Variants in SEC22A observed in about 807,000 individuals in gnomAD.
The protein encoded by SEC22A is vesicle-trafficking protein SEC22a.
In SEC22A, 22 loss-of-function variants were observed where a neutral mutation model predicts 35.3. The ratio of observed to expected loss-of-function variants is 0.62; its 90% CI spans 0.45 to 0.89. The LOEUF is 0.89. SEC22A is among the 40% of genes least tolerant of loss of function. SEC22A has a pLI of 0.00. For missense variants in SEC22A, 354 were observed against 362.5 expected (o/e 0.98, Z 0.19); for synonymous variants, 119 against 129.5 (o/e 0.92, Z 0.55).
intron 5 of SEC22A, among the ~76,000 whole-genome samples, chr3:123,252,827 A>G (rs1174943162): frequency 2.0e-5 from 3 of 152,316 alleles, no homozygotes; most frequent in African/African-American, 4.8e-5. Context: ...CTTGGTATCT[A>G]AGTTTAAACT....
intron 1 of SEC22A, among the ~76,000 whole-genome samples, chr3:123,203,748 C>A (rs1936799385): frequency 1.3e-5 from 2 of 152,152 alleles, no homozygotes; most frequent in South Asian, 4.1e-4. Flanking sequence ...TATATACTAG[C>A]AGTGTGACAT....
At chr3:123,246,148 T>C in intron 5 of SEC22A, 134 bp downstream of exon 5, 3 of 560,370 alleles carry the variant, frequency 5.4e-6, no homozygotes, top group Non-Finnish European at 9.5e-6. Flanking sequence ...TATATCTGCT[T>C]TAGCCTCCTT....
In SEC22A at chr3:123,248,955, T is replaced by A. The variant is rs137965054; in HGVS notation, c.657+2941T>A. Among the ~76,000 whole-genome samples, 5 of 152,130 alleles carry A rather than the reference T, an allele frequency of 3.3e-5. No individual in the cohort carries two copies. The East Asian group carries it at 9.7e-4, about 29-fold the overall frequency. On this transcript the variant is annotated intron_variant, in intron 5 of 6. Transcript: ENST00000492595. ...TAACCCAGATGTCACAGGTAAAGAG[T>A]TCAGTCCCACAAGAATGCCCCCACC...
In SEC22A at chr3:123,272,291, TAGA is replaced by T. The variant is rs971459765; in HGVS notation, c.*576_*578del. 6.5e-6 allele frequency: 1 copy of T among 152,686 alleles called. No individual in the cohort carries two copies. Among genetic ancestry groups the T allele is most frequent in the African/African-American group, 2.4e-5 (1 of 41,588 alleles). 9.5% of individuals were successfully genotyped at this position (152,686 alleles called of 1,614,324 possible). ...TCTTAACTCTGGAAATCACCTGATG[TAGA>T]AGAAGACTGTGATGAGCTCGTCTGT... is the stretch of plus-strand genomic sequence containing the variant. On this transcript the variant is annotated 3_prime_UTR_variant, in exon 7 of 7. Transcript: ENST00000492595.
chr3:123,213,765 C>T (rs1159636086), intron 2 of SEC22A, among the ~76,000 whole-genome samples: 2 of 152,032 alleles, frequency 1.3e-5, no homozygotes, highest in South Asian at 4.1e-4. Context: ...TTTACAGAAT[C>T]TCAAAATCAC....
intron 6 of SEC22A, among the ~76,000 whole-genome samples, chr3:123,266,174 G>T (rs1938021125): frequency 6.6e-6 from 1 of 151,916 alleles, no homozygotes; most frequent in Non-Finnish European, 1.5e-5. Context: ...ATGGTAATTT[G>T]CATGTTCTCT....
chr3:123,215,346 A>T lies in SEC22A; in HGVS notation c.182+5947A>T, dbSNP rs191207569. On this transcript the variant is annotated intron_variant, in intron 2 of 6. Transcript: ENST00000492595. ...GCACTACACAGACAGCTCCAGGCTT[A>T]CTTCAGTCCAACTGAGCAACTCCTC... Among the ~76,000 whole-genome samples, 6 of 152,330 alleles carry T rather than the reference A, an allele frequency of 3.9e-5. No homozygotes were observed. The East Asian group carries it at 9.6e-4, about 24-fold the overall frequency.
chr3:123,234,238 A>G (rs1937377185), intron 4 of SEC22A, among the ~76,000 whole-genome samples: 1 of 152,232 alleles, frequency 6.6e-6, no homozygotes, highest in Non-Finnish European at 1.5e-5. Context: ...CTTTATAAAA[A>G]TCCCGGCTTT....
At chr3:123,260,581 C>A (rs1389248786) in intron 6 of SEC22A, among the ~76,000 whole-genome samples, 1 of 152,118 alleles carries the variant, frequency 6.6e-6, no homozygotes, top group Admixed American at 6.5e-5. Flanking sequence ...TACCAGTTAC[C>A]CAAATGCAAG....
intron 6 of SEC22A, among the ~76,000 whole-genome samples, chr3:123,262,761 C>G (rs184085074): frequency 3.9e-5 from 6 of 152,266 alleles, no homozygotes; most frequent in Admixed American, 3.3e-4. Flanking sequence ...ATGAGTATAT[C>G]AGGATGTGAC....
In SEC22A at chr3:123,271,733, C is replaced by T; in HGVS notation, c.*11C>T. ...GATTATGATGTCTGACACCATCCTT[C>T]AGATCTATTGCCTTGGCTTCAGGGG... is the stretch of plus-strand genomic sequence containing the variant. On this transcript the variant is annotated 3_prime_UTR_variant, in exon 7 of 7. Coordinates refer to ENST00000492595, the MANE Select transcript of SEC22A (RefSeq NM_012430.5). 1 of 1,611,262 alleles carries T rather than the reference C, an allele frequency of 6.2e-7. No individual in the cohort carries two copies. The highest frequency in any genetic ancestry group is 8.5e-7 in the Non-Finnish European group (1 of 1,177,508).
intron 4 of SEC22A, among the ~76,000 whole-genome samples, chr3:123,238,418 G>A (rs914295014): frequency 1.3e-5 from 2 of 152,026 alleles, no homozygotes; most frequent in African/African-American, 4.8e-5. Context: ...GGCTGGCCTC[G>A]AACTCCTGAC....
chr3:123,214,027 T>TA (rs1413948717), intron 2 of SEC22A, among the ~76,000 whole-genome samples: 3 of 122,346 alleles, frequency 2.5e-5, no homozygotes, highest in South Asian at 2.7e-4. Flanking sequence ...CTACTAAAAA[T>TA]AAAAAAAATA....
At chr3:123,246,430 G>C (rs1195563511) in intron 5 of SEC22A, among the ~76,000 whole-genome samples, 2 of 152,202 alleles carry the variant, frequency 1.3e-5, no homozygotes, top group African/African-American at 4.8e-5. Flanking sequence ...ATCAGACAGA[G>C]AGCAGTGGAA....
intron 4 of SEC22A, among the ~76,000 whole-genome samples, chr3:123,240,117 C>G (rs184313465): frequency 6.6e-6 from 1 of 152,196 alleles, no homozygotes; most frequent in East Asian, 1.9e-4. Flanking sequence ...GAAAGGTGGA[C>G]TCAGACAAGT....
At chr3:123,211,074 T>C (rs1298572530) in intron 2 of SEC22A, among the ~76,000 whole-genome samples, 1 of 152,096 alleles carries the variant, frequency 6.6e-6, no homozygotes, top group African/African-American at 2.4e-5. Flanking sequence ...GTGCTGCAGG[T>C]TCAAGGGAAG....
intron 5 of SEC22A, among the ~76,000 whole-genome samples, chr3:123,251,945 T>C (rs1937619056): frequency 6.6e-6 from 1 of 152,148 alleles, no homozygotes. Flanking sequence ...GAATGGATGA[T>C]AAGTGAACAA....
chr3:123,210,274 G>A (rs72958539), intron 2 of SEC22A, among the ~76,000 whole-genome samples: 2,536 of 152,262 alleles, frequency 0.017, 60 homozygotes, highest in African/African-American at 0.057. Context: ...TGATTGTAAC[G>A]AGCTAGGGTA....
intron 6 of SEC22A, among the ~76,000 whole-genome samples, chr3:123,267,519 CAG>C (rs1938053887): frequency 6.6e-6 from 1 of 152,094 alleles, no homozygotes. Flanking sequence ...ATAATTGGCT[CAG>C]ATATTTCCTC....
Sources: allele counts gnomAD v4.1 joint callset (sites outside exome capture counted in the v4.1 genomes callset), GRCh38; gene constraint gnomAD v4.1.1; transcripts MANE v1.5; gene names NCBI Gene and HGNC (gene_info 2026-07-23, HGNC 2026-07-21).